Variants in CADPS2 observed in about 807,000 individuals in gnomAD.
CADPS2 encodes calcium dependent secretion activator 2.
In CADPS2, 93 loss-of-function variants were observed where a neutral mutation model predicts 172.5. That is an observed-to-expected ratio of 0.54 (90% CI 0.46 to 0.64). The LOEUF is 0.64. CADPS2 is among the 30% of genes least tolerant of loss of function. The pLI, the probability that CADPS2 is intolerant of heterozygous loss-of-function variation, is 0.00. For missense variants in CADPS2, 1,420 were observed against 1,565.9 expected (o/e 0.91, Z 1.57); for synonymous variants, 546 against 555.2 (o/e 0.98, Z 0.23).
intron 1 of CADPS2, among the ~76,000 whole-genome samples, chr7:122,847,463 T>C (rs1812297098): frequency 1.3e-5 from 2 of 152,242 alleles, no homozygotes; most frequent in South Asian, 4.1e-4. Context: ...TCAACTCTGA[T>C]GAGTCTTTTA....
At chr7:122,385,205 G>T (rs1357293626) in intron 24 of CADPS2, among the ~76,000 whole-genome samples, 1 of 151,966 alleles carries the variant, frequency 6.6e-6, no homozygotes, top group African/African-American at 2.4e-5. Context: ...TGTTGTAAGT[G>T]ATCAGAGAAT....
At chr7:122,492,516 G>T (rs571657018) in intron 9 of CADPS2, among the ~76,000 whole-genome samples, 22 of 152,150 alleles carry the variant, frequency 1.4e-4, no homozygotes, top group Admixed American at 1.2e-3. Flanking sequence ...TGGGTCAAGA[G>T]CTCATGTATG....
At chr7:122,648,415 A>G (rs188686006) in intron 3 of CADPS2, among the ~76,000 whole-genome samples, 2 of 152,272 alleles carry the variant, frequency 1.3e-5, no homozygotes, top group East Asian at 3.9e-4. Flanking sequence ...CAATCTCGAC[A>G]TGGACAATCA....
At chr7:122,584,540 T>C (rs2069352735) in intron 6 of CADPS2, among the ~76,000 whole-genome samples, 1 of 151,948 alleles carries the variant, frequency 6.6e-6, no homozygotes, top group Non-Finnish European at 1.5e-5. Flanking sequence ...TTGACAATCC[T>C]CTCTACTTCA....
At chr7:122,372,726 G>A (rs1563176047) in intron 25 of CADPS2, among the ~76,000 whole-genome samples, 2 of 152,036 alleles carry the variant, frequency 1.3e-5, no homozygotes, top group African/African-American at 2.4e-5. Context: ...AAATGTCTAC[G>A]ACATGACTCT....
intron 1 of CADPS2, among the ~76,000 whole-genome samples, chr7:122,817,102 G>A (rs1386466262): frequency 6.6e-6 from 1 of 152,044 alleles, no homozygotes; most frequent in Non-Finnish European, 1.5e-5. Flanking sequence ...CAGCCCGCCT[G>A]CACCCAGGTG....
chr7:122,399,018 A>T (rs1418820303), intron 20 of CADPS2, among the ~76,000 whole-genome samples: 2 of 152,154 alleles, frequency 1.3e-5, no homozygotes, highest in Non-Finnish European at 2.9e-5. Flanking sequence ...TAATGTATAC[A>T]TTAACTAGTA....
At chr7:122,871,804 A>G (rs1370113477) in intron 1 of CADPS2, among the ~76,000 whole-genome samples, 1 of 152,094 alleles carries the variant, frequency 6.6e-6, no homozygotes, top group East Asian at 1.9e-4. Flanking sequence ...AGTTTCTGTG[A>G]CATGGACCAT....
intron 2 of CADPS2, chr7:122,681,339 G>A: frequency 2.0e-5 from 28 of 1,399,012 alleles, no homozygotes; most frequent in Non-Finnish European, 2.8e-5. Context: ...AAGGAACAAT[G>A]GTCGTGCCAA....
chr7:122,468,042 GT>G (rs2055396337), intron 14 of CADPS2, among the ~76,000 whole-genome samples: 1 of 152,108 alleles, frequency 6.6e-6, no homozygotes, highest in Non-Finnish European at 1.5e-5. Flanking sequence ...AACACTCAGA[GT>G]GCTATTCAGA....
At chr7:122,672,900 G>A (rs1189716293) in intron 2 of CADPS2, among the ~76,000 whole-genome samples, 1 of 152,200 alleles carries the variant, frequency 6.6e-6, no homozygotes. Context: ...CTCGCGGTGA[G>A]TGTTACAGTT....
intron 2 of CADPS2, among the ~76,000 whole-genome samples, chr7:122,679,805 T>G (rs1054589361): frequency 7.9e-5 from 12 of 152,194 alleles, no homozygotes; most frequent in Admixed American, 2.6e-4. Context: ...CATTGAAATA[T>G]CGGGGGCTGA....
intron 2 of CADPS2, among the ~76,000 whole-genome samples, chr7:122,691,786 T>C (rs2084404761): frequency 6.6e-6 from 1 of 151,992 alleles, no homozygotes; most frequent in African/African-American, 2.4e-5. Flanking sequence ...GTCCAGCAAG[T>C]CCGTGACAGA....
intron 9 of CADPS2, among the ~76,000 whole-genome samples, chr7:122,495,088 T>C (rs1487059753): frequency 6.6e-6 from 1 of 152,180 alleles, no homozygotes; most frequent in Non-Finnish European, 1.5e-5. Context: ...AAAGTTCCCC[T>C]ATTCTTTCAT....
At position 122,608,603 on chromosome 7, in the gene CADPS2, A is replaced by G. The variant is rs543884716; in HGVS notation, c.1223+6578T>C. 9.9e-5 allele frequency among the ~76,000 whole-genome samples: 15 copies of G among 152,208 alleles called. No individual in the cohort carries two copies. The South Asian group carries it at 3.1e-3, about 32-fold the overall frequency. Reference sequence around the variant, plus strand: ...GGATGCTCTATCATAATATCCATAAATGTAGTTCTCTAATGACACACAATT... The same window carrying G: ...GGATGCTCTATCATAATATCCATAAGTGTAGTTCTCTAATGACACACAATT... On this transcript the variant is annotated intron_variant, in intron 6 of 29. Transcript: ENST00000449022.
chr7:122,436,784 G>A (rs1476633620), intron 17 of CADPS2, among the ~76,000 whole-genome samples: 1 of 151,978 alleles, frequency 6.6e-6, no homozygotes, highest in Non-Finnish European at 1.5e-5. Context: ...TTGTCTAACA[G>A]AGACTTGTTT....
At chr7:122,594,672 A>C (rs2071464338) in intron 6 of CADPS2, among the ~76,000 whole-genome samples, 2 of 151,924 alleles carry the variant, frequency 1.3e-5, no homozygotes, top group Non-Finnish European at 1.5e-5. Context: ...CAGAAGAGAT[A>C]ATCTCTCACA....
At chr7:122,368,465 A>G (rs1002248623) in intron 25 of CADPS2, among the ~76,000 whole-genome samples, 9 of 152,060 alleles carry the variant, frequency 5.9e-5, no homozygotes, top group Non-Finnish European at 1.2e-4. Flanking sequence ...GCTGACATCT[A>G]TTGTGTGGCC....
At chr7:122,515,644 T>C (rs907067625) in intron 8 of CADPS2, among the ~76,000 whole-genome samples, 2 of 152,036 alleles carry the variant, frequency 1.3e-5, no homozygotes, top group Non-Finnish European at 2.9e-5. Flanking sequence ...AACTGGGTCA[T>C]ATACAAGTGA....
Sources: gnomAD v4.1 joint callset for allele counts (sites outside exome capture counted in the v4.1 genomes callset) on GRCh38, gnomAD v4.1.1 for gene constraint, MANE v1.5 for transcripts, NCBI Gene and HGNC (gene_info 2026-07-23, HGNC 2026-07-21) for gene names.